Variants in FAF1 observed in about 807,000 individuals in gnomAD.
FAF1 encodes the protein FAS-associated factor 1.
A neutral mutation model predicts 92.5 loss-of-function variants in FAF1; 25 were observed. That is an observed-to-expected ratio of 0.27 (90% CI 0.20 to 0.38). FAF1 has a LOEUF of 0.38. FAF1 is among the 10% of genes least tolerant of loss of function. The pLI is 1.00. For synonymous variants in FAF1, 234 were observed against 273.2 expected (o/e 0.86, Z 1.42); for missense variants, 636 against 793.3 (o/e 0.80, Z 2.38).
At chr1:50,825,257 GAAAAGCCCA>G (rs1211413406) in intron 2 of FAF1, among the ~76,000 whole-genome samples, 9 of 151,750 alleles carry the variant, frequency 5.9e-5, no homozygotes, top group Admixed American at 5.9e-4. Flanking sequence ...AATTGGGGAG[GAAAAGCCCA>G]AAAATATTTC....
chr1:50,880,445 G>A (rs1644602869), intron 1 of FAF1, among the ~76,000 whole-genome samples: 2 of 152,160 alleles, frequency 1.3e-5, no homozygotes, highest in South Asian at 4.1e-4. Context: ...TTCGGAGTAA[G>A]GAAATAATTA....
chr1:50,839,884 A>T (rs931706902), intron 2 of FAF1, among the ~76,000 whole-genome samples: 1 of 152,060 alleles, frequency 6.6e-6, no homozygotes, highest in Non-Finnish European at 1.5e-5. Context: ...CAAAGCCTAG[A>T]TCCTGACTGC....
chr1:50,819,765 GTATATATATATACATATATATACATA>G (rs1557543626), intron 2 of FAF1, among the ~76,000 whole-genome samples: 1,183 of 40,160 alleles, frequency 0.029, 56 homozygotes, highest in Middle Eastern at 0.047. Context: ...ATATATATAC[GTATATATATATACATATATATACATA>G]TATATATATA....
chr1:50,512,208 A>G (rs1050878873), intron 15 of FAF1, among the ~76,000 whole-genome samples: 2 of 152,190 alleles, frequency 1.3e-5, no homozygotes, highest in African/African-American at 4.8e-5. Context: ...TTCTGATGAT[A>G]GGTTCTTTTG....
At chr1:50,800,456 G>C (rs1661944579) in intron 3 of FAF1, among the ~76,000 whole-genome samples, 1 of 152,118 alleles carries the variant, frequency 6.6e-6, no homozygotes, top group Non-Finnish European at 1.5e-5. Flanking sequence ...CAAGGGCTTC[G>C]ATAGAATTGA....
chr1:50,524,215 G>T (rs547370796), intron 15 of FAF1, among the ~76,000 whole-genome samples: 20 of 152,014 alleles, frequency 1.3e-4, no homozygotes, highest in Non-Finnish European at 7.4e-5. Flanking sequence ...GTGTCTGTTC[G>T]TGCCCTTTGG....
intron 18 of FAF1, among the ~76,000 whole-genome samples, chr1:50,455,044 C>T (rs1646335493): frequency 6.6e-6 from 1 of 152,208 alleles, no homozygotes; most frequent in Non-Finnish European, 1.5e-5. Context: ...CAGACCTCTT[C>T]CCCCAGCCTC....
At chr1:50,828,769 A>C (rs1437382148) in intron 2 of FAF1, among the ~76,000 whole-genome samples, 1 of 152,196 alleles carries the variant, frequency 6.6e-6, no homozygotes, top group Non-Finnish European at 1.5e-5. Context: ...CTTTGAAAAC[A>C]GGATCCAAAA....
intron 17 of FAF1, among the ~76,000 whole-genome samples, chr1:50,480,787 A>T (rs937620182): frequency 2.0e-5 from 3 of 152,218 alleles, no homozygotes; most frequent in African/African-American, 7.2e-5. Flanking sequence ...TACTCCTTCT[A>T]CGTATTTTTT....
At chr1:50,952,109 G>A (rs1468504499) in intron 1 of FAF1, among the ~76,000 whole-genome samples, 2 of 152,048 alleles carry the variant, frequency 1.3e-5, no homozygotes. Context: ...CCTTTCTACG[G>A]TCTCCATCTC....
At chr1:50,518,925 T>C (rs1038098596) in intron 15 of FAF1, among the ~76,000 whole-genome samples, 5 of 152,236 alleles carry the variant, frequency 3.3e-5, no homozygotes, top group Non-Finnish European at 5.9e-5. Flanking sequence ...TCTCCATCCA[T>C]TGAAATTCCC....
At chr1:50,647,181 T>C (rs1393717969) in intron 8 of FAF1, among the ~76,000 whole-genome samples, 1 of 152,060 alleles carries the variant, frequency 6.6e-6, no homozygotes, top group Non-Finnish European at 1.5e-5. Flanking sequence ...TGAGTCCTGG[T>C]GGAGGAAGCT....
chr1:50,777,354 C>A (rs1660999695), intron 4 of FAF1, among the ~76,000 whole-genome samples: 1 of 152,000 alleles, frequency 6.6e-6, no homozygotes, highest in African/African-American at 2.4e-5. Context: ...CCTAGGAGTT[C>A]AAGCTCAACA....
At chr1:50,729,914 A>T (rs1159341443) in intron 6 of FAF1, among the ~76,000 whole-genome samples, 1 of 151,954 alleles carries the variant, frequency 6.6e-6, no homozygotes, top group Non-Finnish European at 1.5e-5. Flanking sequence ...CCAGCTACTC[A>T]GGAGGCTGAC....
chr1:50,530,801 A>T (rs1648126598), intron 15 of FAF1, among the ~76,000 whole-genome samples: 1 of 152,194 alleles, frequency 6.6e-6, no homozygotes. Flanking sequence ...ACAACCAACA[A>T]GAACAACAAC....
At chr1:50,927,263 T>G (rs1320035185) in intron 1 of FAF1, among the ~76,000 whole-genome samples, 3 of 152,192 alleles carry the variant, frequency 2.0e-5, no homozygotes, top group Non-Finnish European at 4.4e-5. Context: ...TATGTATATT[T>G]TACCAGAATT....
At chr1:50,884,322 C>T (rs1644638886) in intron 1 of FAF1, among the ~76,000 whole-genome samples, 2 of 151,580 alleles carry the variant, frequency 1.3e-5, no homozygotes, top group Non-Finnish European at 2.9e-5. Flanking sequence ...CAAGACTAGC[C>T]TGGCCAACAG....
intron 15 of FAF1, among the ~76,000 whole-genome samples, chr1:50,516,496 A>G (rs1226081211): frequency 1.3e-5 from 2 of 152,166 alleles, no homozygotes; most frequent in Non-Finnish European, 2.9e-5. Flanking sequence ...TTTTTCTTGG[A>G]CCGAAATACC....
At chr1:50,862,466 T>G (rs1644443948) in intron 1 of FAF1, among the ~76,000 whole-genome samples, 1 of 151,684 alleles carries the variant, frequency 6.6e-6, no homozygotes, top group Non-Finnish European at 1.5e-5. Flanking sequence ...GGATAGTTAA[T>G]GGGTACAAAA....
Sources: allele counts gnomAD v4.1 joint callset (sites outside exome capture counted in the v4.1 genomes callset), GRCh38; gene constraint gnomAD v4.1.1; transcripts MANE v1.5; gene names NCBI Gene and HGNC (gene_info 2026-07-23, HGNC 2026-07-21).